ROCK2: variants seen among roughly 807,000 people sequenced by gnomAD.
ROCK2 encodes Rho associated coiled-coil containing protein kinase 2.
ROCK2 carries 61 observed loss-of-function variants against 195.1 expected under a neutral mutation model. The ratio of observed to expected loss-of-function variants is 0.31; its 90% CI spans 0.25 to 0.39. The LOEUF is 0.39. Among genes scored for constraint, ROCK2 ranks in the 10% least tolerant of loss-of-function variants. ROCK2 has a pLI of 1.00. For missense variants in ROCK2, 1,109 were observed against 1,637.4 expected, an observed-to-expected ratio of 0.68 and a Z score of 5.57; for synonymous variants, 504 against 545.5, an observed-to-expected ratio of 0.92 and a Z score of 1.06.
At chr2:11,329,252 T>C (rs1005966005) in intron 1 of ROCK2, among the ~76,000 whole-genome samples, 2 of 152,154 alleles carry the variant, frequency 1.3e-5, no homozygotes, top group African/African-American at 2.4e-5. Flanking sequence ...TTATGTACTT[T>C]GGTGGAATTT....
At chr2:11,288,655 A>G (rs796895091) in intron 1 of ROCK2, among the ~76,000 whole-genome samples, 1 of 126,574 alleles carries the variant, frequency 7.9e-6, no homozygotes, top group Non-Finnish European at 1.9e-5. Context: ...AAAAGAAACA[A>G]TGGGAGCCTG....
In ROCK2 at chr2:11,299,502, A is replaced by C. The variant is rs138662280; in HGVS notation, c.142-11766T>G. ...CATTTACTGAGTTCATACTATGTGC[A>C]AAAGAAAGTCACTCGCTCATTCAAT... On this transcript the variant is annotated intron_variant, in intron 1 of 32. Coordinates refer to ENST00000315872, the MANE Select transcript of ROCK2 (RefSeq NM_004850.5). Among the ~76,000 whole-genome samples the C allele has an allele frequency of 8.7e-4, 132 of 152,310 alleles. 4 individuals are homozygous for C. In the East Asian group the frequency reaches 0.02, roughly 23 times the overall value.
In ROCK2 at chr2:11,227,442, AAC is replaced by A. The variant is rs769771519; in HGVS notation, c.724-46_724-45del. ...TAAAGAAAAAACAGTTCAGTGTAAA[AAC>A]ACACACTTATAAATGCAATGAATCC... is the stretch of plus-strand genomic sequence containing the variant. On this transcript the variant is annotated intron_variant, in intron 5 of 32. Transcript: ENST00000315872. The A allele has an allele frequency of 1.2e-5, 18 of 1,558,284 alleles. No homozygotes were observed. The African/African-American group carries it at 2.2e-4, about 19-fold the overall frequency.
At chr2:11,286,426 AG>A (rs1397281222) in intron 3 of ROCK2, 112 bp downstream of exon 3, 32 of 686,294 alleles carry the variant, frequency 4.7e-5, no homozygotes, top group Non-Finnish European at 7.9e-5. Context: ...AAGATCACAA[AG>A]CCACCTTCTG....
At chr2:11,334,221 TA>T (rs914507172) in intron 1 of ROCK2, among the ~76,000 whole-genome samples, 1 of 152,084 alleles carries the variant, frequency 6.6e-6, no homozygotes, top group Non-Finnish European at 1.5e-5. Context: ...TCCTGTTATT[TA>T]AAAAAAGAGG....
chr2:11,201,073 CAATTGAACGAGCCAGTTGCTCAG>C lies in ROCK2; in HGVS notation c.2771_2793del (p.Ser924CysfsTer2). Reference sequence around the variant, plus strand: ...TCCAAATCAGAATATTGTTCTTCAGCAATTGAACGAGCCAGTTGCTCAGAATCTGCTTTGGTCAAGGTGATCTC... The same window carrying C: ...TCCAAATCAGAATATTGTTCTTCAGCAATCTGCTTTGGTCAAGGTGATCTC... On this transcript the variant is annotated frameshift_variant, in exon 23 of 33. Coordinates refer to ENST00000315872, the MANE Select transcript of ROCK2 (RefSeq NM_004850.5). LOFTEE classifies it high-confidence loss of function. This position sits in a 1 kb window ranked among gnomAD's most constrained non-coding sequence, Gnocchi z 4.6. 1 of 1,613,580 alleles carries C rather than the reference CAATTGAACGAGCCAGTTGCTCAG, an allele frequency of 6.2e-7. No individual in the cohort carries two copies. The highest frequency in any genetic ancestry group is 8.5e-7 in the Non-Finnish European group (1 of 1,179,830).
chr2:11,254,160 G>A (rs987230147), intron 3 of ROCK2, among the ~76,000 whole-genome samples: 1 of 152,146 alleles, frequency 6.6e-6, no homozygotes, highest in Non-Finnish European at 1.5e-5. Flanking sequence ...ATTGGTACCA[G>A]CTAGCCCTCC....
In ROCK2 at chr2:11,201,115, T is replaced by C. The variant is rs1663835387; in HGVS notation, c.2752A>G (p.Thr918Ala). The C allele has an allele frequency of 6.2e-7, 1 of 1,611,086 alleles. No homozygotes were observed. Among genetic ancestry groups the C allele is most frequent in the East Asian group, 2.2e-5 (1 of 44,844 alleles). The stretch of plus-strand genomic sequence containing the variant: ...TGCTCAGAATCTGCTTTGGTCAAGG[T>C]GATCTCCAGTTGGGCAGCCAAAGAG... ...RDSLAAQLEI[T>A]LTKADSEQLA... Residue 918 changes from threonine to alanine, a missense_variant, in exon 23 of 33, where the codon ACC (threonine) becomes GCC (alanine). By Grantham distance (58) the Thr-to-Ala change is moderately conservative. Around this residue, in one of 6 missense-constraint regions of ROCK2, gnomAD observed 542 missense variants for 672.0 expected, o/e 0.81. Coordinates refer to ENST00000315872, the MANE Select transcript of ROCK2 (RefSeq NM_004850.5). This position sits in a 1 kb window ranked among gnomAD's most constrained non-coding sequence, Gnocchi z 4.6.
At chr2:11,321,999 T>C (rs900147467) in intron 1 of ROCK2, among the ~76,000 whole-genome samples, 3 of 152,060 alleles carry the variant, frequency 2.0e-5, no homozygotes, top group African/African-American at 7.2e-5. Context: ...CTGACTGGTG[T>C]CCTTCTAAGA....
At chr2:11,207,688 A>G (rs1333848040) in intron 20 of ROCK2, 38 bp downstream of exon 20, 2 of 1,486,234 alleles carry the variant, frequency 1.3e-6, no homozygotes, top group African/African-American at 1.4e-5. Flanking sequence ...ATACATGGAT[A>G]ATTATGCATA....
intron 4 of ROCK2, among the ~76,000 whole-genome samples, chr2:11,242,478 G>A (rs1665461142): frequency 6.6e-6 from 1 of 152,044 alleles, no homozygotes; most frequent in Admixed American, 6.5e-5. Context: ...AGAGAGGAGG[G>A]ACGGGATTCT....
At chr2:11,296,005 G>GAGAGAGAGGGGAGAGAGAGAGA (rs1553313929) in intron 1 of ROCK2, among the ~76,000 whole-genome samples, 1 of 10,334 alleles carries the variant, frequency 9.7e-5, no homozygotes, top group Non-Finnish European at 2.5e-4. Context: ...GAGAGAGAGA[G>GAGAGAGAGGGGAGAGAGAGAGA]GAGAGAGAGA....
intron 1 of ROCK2, among the ~76,000 whole-genome samples, chr2:11,318,506 C>A (rs1668298611): frequency 6.6e-6 from 1 of 152,006 alleles, no homozygotes; most frequent in African/African-American, 2.4e-5. Flanking sequence ...TGGATATTAG[C>A]CCTTTGTCAG....
In ROCK2 at chr2:11,192,417, C is replaced by T. The variant is rs1229604249; in HGVS notation, c.3949+34G>A. 1.2e-6 allele frequency: 2 copies of T among 1,611,100 alleles called. No homozygotes were observed. The highest frequency in any genetic ancestry group is 1.7e-6 in the Non-Finnish European group (2 of 1,178,604). ...TGTGCTTAAAATGATCTGAACATAA[C>T]CAATATCGATGGAGCAAGTAATTTA... On this transcript the variant is annotated intron_variant, in intron 31 of 32. Coordinates refer to ENST00000315872, the MANE Select transcript of ROCK2 (RefSeq NM_004850.5). This position sits in a 1 kb window ranked among gnomAD's most constrained non-coding sequence, Gnocchi z 5.0.
intron 20 of ROCK2, 150 bp from the exon 21 acceptor site, chr2:11,202,271 A>G: frequency 2.9e-6 from 2 of 692,242 alleles, no homozygotes; most frequent in Non-Finnish European, 5.2e-6. Flanking sequence ...ACTGAGCACC[A>G]TGGTTTTTTT....
chr2:11,344,079 C>T lies in ROCK2; in HGVS notation c.58G>A (p.Asp20Asn), dbSNP rs776046926. 2.6e-6 allele frequency: 4 copies of T among 1,548,086 alleles called. No homozygotes were observed. The highest frequency in any genetic ancestry group is 3.5e-6 in the Non-Finnish European group (4 of 1,152,588). Reference sequence around the variant, plus strand: ...CTCTGGCGGCTCGCGCCTGCCCCGTCCCCCGGCGCGGTCTCGGGGGCGCCG... The same window carrying T: ...CTCTGGCGGCTCGCGCCTGCCCCGTTCCCCGGCGCGGTCTCGGGGGCGCCG... ...MPGAPETAPG[D>N]GAGASRQRKL... The change falls in exon 1 of 33, where the codon GAC becomes AAC. Residue 20 changes from aspartate (D) to asparagine (N), a missense_variant. Asp to Asn is a conservative substitution (Grantham distance 23). Transcript: ENST00000315872. This position sits in a 1 kb window ranked among gnomAD's most constrained non-coding sequence, Gnocchi z 5.4.
intron 32 of ROCK2, among the ~76,000 whole-genome samples, chr2:11,188,267 G>GC (rs1663275986): frequency 6.6e-6 from 1 of 151,818 alleles, no homozygotes; most frequent in African/African-American, 2.4e-5. Context: ...CTGACACCAC[G>GC]CCTGGCTAAT....
At chr2:11,327,414 A>C (rs1262405745) in intron 1 of ROCK2, among the ~76,000 whole-genome samples, 1 of 152,188 alleles carries the variant, frequency 6.6e-6, no homozygotes, top group Non-Finnish European at 1.5e-5. Flanking sequence ...GAAAAGAAAG[A>C]CAACTGGAGA....
intron 1 of ROCK2, among the ~76,000 whole-genome samples, chr2:11,294,197 A>AGG (rs1667444051): frequency 6.6e-6 from 1 of 152,060 alleles, no homozygotes; most frequent in African/African-American, 2.4e-5. Flanking sequence ...AGAGAGAGAG[A>AGG]AAGAAAAGAA....
Sources: gnomAD v4.1 joint callset for allele counts (sites outside exome capture counted in the v4.1 genomes callset) on GRCh38, gnomAD v4.1.1 for gene constraint, gnomAD v4.1.1 regional missense constraint, Gnocchi (gnomAD v3.1) non-coding constraint, MANE v1.5 for transcripts, NCBI Gene and HGNC (gene_info 2026-07-23, HGNC 2026-07-21) for gene names.